The following THBS4 variants were observed in gnomAD, a reference collection of about 807,000 sequenced individuals.
THBS4 encodes the protein thrombospondin 4.
A neutral mutation model predicts 115.7 loss-of-function variants in THBS4; 90 were observed. The ratio of observed to expected loss-of-function variants is 0.78; its 90% CI spans 0.66 to 0.93. THBS4 has a LOEUF of 0.93. THBS4 is among the 40% of genes least tolerant of loss of function. The pLI, the probability that THBS4 is intolerant of heterozygous loss-of-function variation, is 0.00. For synonymous variants in THBS4, 460 were observed against 479.3 expected (o/e 0.96, Z 0.53); for missense variants, 1,087 against 1,232.7 (o/e 0.88, Z 1.77).
At chr5:80,051,615 A>G (rs1010014041) in intron 2 of THBS4, among the ~76,000 whole-genome samples, 2 of 152,234 alleles carry the variant, frequency 1.3e-5, no homozygotes, top group Non-Finnish European at 2.9e-5. Context: ...TACAGAATCC[A>G]CTTAAATGAG....
chr5:80,066,114 A>ACT (rs1833815462), intron 9 of THBS4, among the ~76,000 whole-genome samples: 2 of 151,758 alleles, frequency 1.3e-5, no homozygotes, highest in Non-Finnish European at 2.9e-5. Context: ...AAAAAAAAAA[A>ACT]ACTTTTCAAA....
chr5:80,057,605 T>C (rs2405136), intron 3 of THBS4, among the ~76,000 whole-genome samples: 10,764 of 152,302 alleles, frequency 0.071, 533 homozygotes, highest in Middle Eastern at 0.1. Flanking sequence ...GCAGTTAACA[T>C]AAATGTTTTG....
intron 1 of THBS4, among the ~76,000 whole-genome samples, chr5:80,036,899 G>A (rs1832736383): frequency 6.6e-6 from 1 of 152,200 alleles, no homozygotes; most frequent in Non-Finnish European, 1.5e-5. Context: ...GCCTCTCGCT[G>A]CTGGAATCAC....
chr5:80,077,978 C>T, intron 16 of THBS4, 71 bp from the exon 17 acceptor site: 6 of 1,356,394 alleles, frequency 4.4e-6, no homozygotes, highest in Non-Finnish European at 5.9e-6. Flanking sequence ...TCATGCAGCC[C>T]CCTTCCCTGC....
rs1284620699 is a variant in THBS4, at chr5:80,035,480, C to T, written c.-58C>T. On this transcript the variant is annotated 5_prime_UTR_variant, in exon 1 of 22. Coordinates refer to ENST00000350881, the MANE Select transcript of THBS4 (RefSeq NM_003248.6). The surrounding 1 kb of genome is among the most constrained non-coding windows in gnomAD (Gnocchi z 4.6). ...GGTTCAACGCACGGCCCGGGGACCC[C>T]CAGGCGGGGCCAACGCCGCCGTCGC... The T allele has an allele frequency of 8.2e-7, 1 of 1,223,162 alleles. No homozygotes were observed. The allele number at this position is 1,223,162 out of a possible 1,614,324, so 75.8% of individuals were successfully genotyped here.
intron 2 of THBS4, among the ~76,000 whole-genome samples, chr5:80,021,465 A>T (rs1832373056): frequency 6.6e-6 from 1 of 152,066 alleles, no homozygotes. Context: ...ATACACACAT[A>T]TGTATAGGCA....
At chr5:80,042,859 G>T (rs1474039885) in intron 2 of THBS4, among the ~76,000 whole-genome samples, 1 of 152,058 alleles carries the variant, frequency 6.6e-6, no homozygotes. Flanking sequence ...ACAGCTACTC[G>T]GGAGGCTGAG....
chr5:80,025,520 A>G (rs1049376910), intron 2 of THBS4, among the ~76,000 whole-genome samples: 1 of 152,186 alleles, frequency 6.6e-6, no homozygotes, highest in African/African-American at 2.4e-5. Flanking sequence ...GCTGCTGTGG[A>G]TGAAGTACCT....
intron 6 of THBS4, 34 bp downstream of exon 6, chr5:80,059,525 T>C (rs1231656542): frequency 6.2e-7 from 1 of 1,613,444 alleles, no homozygotes; most frequent in Non-Finnish European, 8.5e-7. Flanking sequence ...CTCGCCTGAG[T>C]TGGATGATGC....
chr5:80,064,691 C>G (rs1833751915), intron 8 of THBS4, among the ~76,000 whole-genome samples: 2 of 152,124 alleles, frequency 1.3e-5, no homozygotes, highest in South Asian at 4.1e-4. Context: ...GTGATTGTGC[C>G]ACTGCACTCC....
At chr5:80,036,009 A>C in intron 1 of THBS4, 2 of 1,007,338 alleles carry the variant, frequency 2.0e-6, no homozygotes, top group Non-Finnish European at 1.2e-6. Flanking sequence ...TGCTCCCTAA[A>C]TCCTTCCTCA....
Position 80,082,405 on chromosome 5 carries a change from G to A in THBS4, c.2685-1G>A. On this transcript the variant is annotated splice_acceptor_variant, in intron 20 of 21. Transcript: ENST00000350881. LOFTEE classifies it high-confidence loss of function. The stretch of plus-strand genomic sequence containing the variant: ...GGCCCCTCCGGCCGTGTTGTCCGCA[G>A]GGTACGATTTTATGAAGGCTCTGAG... 6.2e-7 allele frequency: 1 copy of A among 1,614,124 alleles called. No homozygotes were observed.
intron 2 of THBS4, among the ~76,000 whole-genome samples, chr5:80,012,668 G>A (rs1001670951): frequency 1.3e-5 from 2 of 152,106 alleles, no homozygotes; most frequent in Admixed American, 6.5e-5. Flanking sequence ...GGCTCTCTTT[G>A]CCTTGGCTTC....
intron 14 of THBS4, 53 bp from the exon 15 acceptor site, chr5:80,073,222 C>T: frequency 1.9e-6 from 3 of 1,573,736 alleles, no homozygotes. Flanking sequence ...TTCTCTGGAA[C>T]ATTCGGTACA....
intron 2 of THBS4, chr5:80,019,598 G>C (rs564317941): frequency 6.5e-6 from 1 of 152,896 alleles, no homozygotes; most frequent in African/African-American, 2.4e-5. Flanking sequence ...AACAAAAAAA[G>C]CTGGTCCAAA....
At chr5:80,031,477 A>G (rs1009486002), upstream of THBS4, among the ~76,000 whole-genome samples, 4 of 152,248 alleles carry the variant, frequency 2.6e-5, no homozygotes, top group Non-Finnish European at 4.4e-5. Flanking sequence ...ATTGTTACAT[A>G]ACAAACAACC....
At chr5:80,029,921 G>A (rs140475175) in intron 2 of THBS4, among the ~76,000 whole-genome samples, 166 of 152,140 alleles carry the variant, frequency 1.1e-3, no homozygotes, top group African/African-American at 3.9e-3. Flanking sequence ...AGTAAGCCGA[G>A]ATCGCGCTGC....
At chr5:80,007,377 G>C (rs762803078) in intron 2 of THBS4, among the ~76,000 whole-genome samples, 1 of 152,102 alleles carries the variant, frequency 6.6e-6, no homozygotes, top group Non-Finnish European at 1.5e-5. Context: ...TGTGGTCTGC[G>C]GGCCTTCAAA....
rs138316719 is a variant in THBS4, at chr5:80,079,956, C to T, written c.2563C>T (p.His855Tyr). The T allele has an allele frequency of 1.2e-6, 2 of 1,613,978 alleles. No homozygotes were observed. Among genetic ancestry groups the T allele is most frequent in the South Asian group, 1.1e-5 (1 of 91,078 alleles). ...PGEHLRNSLWHTGDTSDQVRL... is the reference protein window; with the variant it reads ...PGEHLRNSLWYTGDTSDQVRL... ...GGAGCATCTCCGGAACTCCCTGTGGCACACGGGGGACACCAGTGACCAGGT... is the reference window on the plus strand; with the variant it reads ...GGAGCATCTCCGGAACTCCCTGTGGTACACGGGGGACACCAGTGACCAGGT... The change falls in exon 20 of 22, where the codon CAC becomes TAC. Residue 855 changes from histidine (H) to tyrosine (Y), a missense_variant. By Grantham distance (83) the His-to-Tyr change is moderately conservative. Transcript: ENST00000350881.
Sources: allele counts gnomAD v4.1 joint callset (sites outside exome capture counted in the v4.1 genomes callset), GRCh38; gene constraint gnomAD v4.1.1; non-coding constraint Gnocchi (gnomAD v3.1); transcripts MANE v1.5; gene names NCBI Gene and HGNC (gene_info 2026-07-23, HGNC 2026-07-21).